NWD1: variants seen among roughly 807,000 people sequenced by gnomAD.
NWD1 encodes the protein NACHT and WD repeat domain containing 1.
Under a neutral mutation model 135.1 loss-of-function variants are expected in NWD1, and 129 were observed. The ratio of observed to expected loss-of-function variants is 0.96; its 90% CI spans 0.83 to 1.11. NWD1 has a LOEUF of 1.11. Among genes scored for constraint, NWD1 ranks in the 50% least tolerant of loss-of-function variants. The pLI is 0.00. For missense variants in NWD1, 1,740 were observed against 1,851.3 expected (o/e 0.94, Z 1.10); for synonymous variants, 773 against 786.0 (o/e 0.98, Z 0.28).
Position 16,749,584 on chromosome 19 carries a change from A to G in NWD1, c.942A>G (p.Gly314=), listed in dbSNP as rs368538247. 20 of 1,613,066 alleles carry G rather than the reference A, an allele frequency of 1.2e-5. No homozygotes were observed. The African/African-American group carries it at 2.1e-4, about 17-fold the overall frequency. Reference sequence around the variant, plus strand: ...CGGAGGTCATTCAGACCTTCTGCGGACGCCAGGAACTCCTGGCCCGGCTTG... The same window carrying G: ...CGGAGGTCATTCAGACCTTCTGCGGGCGCCAGGAACTCCTGGCCCGGCTTG... ...QSSEVIQTFC[G]RQELLARLGQ... Residue 314 remains glycine, a synonymous_variant, in exon 6 of 19, where the codon GGA becomes GGG. Coordinates refer to ENST00000524140, the MANE Select transcript of NWD1 (RefSeq NM_001007525.5).
In NWD1 at chr19:16,772,483, T is replaced by C. The variant is rs1969449972; in HGVS notation, c.2411-643T>C. On this transcript the variant is annotated intron_variant, in intron 10 of 18. Transcript: ENST00000524140. ...CAACATGGTGAAACCCCGTTTCCAC[T>C]AGACACACAAAAATTAGTTGGGCCT... 1.3e-5 allele frequency among the ~76,000 whole-genome samples: 2 copies of C among 152,058 alleles called. 1 individual carries two copies. Among genetic ancestry groups the C allele is most frequent in the South Asian group, 4.1e-4 (2 of 4,828 alleles).
intron 10 of NWD1, among the ~76,000 whole-genome samples, chr19:16,766,283 T>G (rs898921828): frequency 6.6e-6 from 1 of 152,126 alleles, no homozygotes; most frequent in Non-Finnish European, 1.5e-5. Flanking sequence ...ACACCTGTAG[T>G]CCCAGCTACT....
chr19:16,815,004 G>A, intron 18 of NWD1, 24 bp from the exon 19 acceptor site: 1 of 1,605,704 alleles, frequency 6.2e-7, no homozygotes, highest in African/African-American at 1.3e-5. Context: ...TTTCTCATTT[G>A]TGTCCTTCTC....
At chr19:16,800,886 G>A (rs935639408) in intron 17 of NWD1, among the ~76,000 whole-genome samples, 3 of 152,122 alleles carry the variant, frequency 2.0e-5, no homozygotes, top group Admixed American at 2.0e-4. Context: ...TATAATCACA[G>A]CACTCTGGGA....
In NWD1 at chr19:16,765,035, C is replaced by A; in HGVS notation, c.2253C>A (p.Gly751=). 6.2e-7 allele frequency: 1 copy of A among 1,614,002 alleles called. No homozygotes were observed. Among genetic ancestry groups the A allele is most frequent in the Non-Finnish European group, 8.5e-7 (1 of 1,179,926 alleles). Residue 751 remains glycine (G), a splice_region_variant and synonymous_variant, in exon 10 of 19, where the codon GGC becomes GGA. Coordinates refer to ENST00000524140, the MANE Select transcript of NWD1 (RefSeq NM_001007525.5). ...RLEELKQEVL[G]SMSWISCRGI... is the part of the protein sequence containing the mutation. ...ATCCTCCCCCCTTCTCTCCCTCAGG[C>A]AGCATGAGCTGGATTTCCTGCCGGG... is the stretch of plus-strand genomic sequence containing the variant.
chr19:16,797,603 G>A (rs567522712), intron 15 of NWD1, 129 bp from the exon 16 acceptor site: 16 of 808,804 alleles, frequency 2.0e-5, no homozygotes, highest in Middle Eastern at 3.8e-4. Flanking sequence ...CCGCCTTGGC[G>A]TCCCAAAGTG....
At chr19:16,750,834 C>G (rs2122815846) in intron 6 of NWD1, among the ~76,000 whole-genome samples, 1 of 152,208 alleles carries the variant, frequency 6.6e-6, no homozygotes, top group East Asian at 1.9e-4. Flanking sequence ...TCAACTATAC[C>G]TCAAAAGCTG....
intron 12 of NWD1, among the ~76,000 whole-genome samples, chr19:16,784,220 A>T (rs1303037239): frequency 6.6e-6 from 1 of 151,708 alleles, no homozygotes; most frequent in Non-Finnish European, 1.5e-5. Context: ...AAAAAAAAAA[A>T]AGAAAAATTA....
chr19:16,802,776 G>A (rs566238785), intron 17 of NWD1, among the ~76,000 whole-genome samples: 6 of 152,010 alleles, frequency 3.9e-5, no homozygotes, highest in African/African-American at 7.3e-5. Flanking sequence ...CAAGGCAGGC[G>A]CATCATTTGA....
intron 18 of NWD1, among the ~76,000 whole-genome samples, chr19:16,811,769 C>T (rs1224093256): frequency 1.3e-5 from 2 of 152,066 alleles, no homozygotes; most frequent in East Asian, 1.9e-4. Flanking sequence ...TTGGATCCAT[C>T]CCCCTGTGGG....
At chr19:16,770,213 C>T (rs948141694) in intron 10 of NWD1, among the ~76,000 whole-genome samples, 2 of 152,146 alleles carry the variant, frequency 1.3e-5, no homozygotes, top group Non-Finnish European at 2.9e-5. Flanking sequence ...GAGGGAGGGA[C>T]CAGGTGGAGA....
chr19:16,816,626 A>G lies in NWD1; in HGVS notation c.*1587A>G, dbSNP rs1971074824. On this transcript the variant is annotated 3_prime_UTR_variant, in exon 19 of 19. Transcript: ENST00000524140. ...TTAAGTGGATCTTTCTTCTTTGCCC[A>G]CAGCCTTCTAAAAGCCCTTCTCAGT... is the stretch of plus-strand genomic sequence containing the variant. 1 of 152,232 alleles carries G rather than the reference A, an allele frequency of 6.6e-6. No homozygotes were observed. 9.4% of individuals were successfully genotyped at this position (152,232 alleles called of 1,614,324 possible).
rs1968448137 is a variant in NWD1, at chr19:16,749,248, C to T, written c.606C>T (p.Asp202=). ...ACCTCCACAAACACATCCTTGAAGACTGCGCCCTTAGGATGGTGGACCGGC... is the reference window on the plus strand; with the variant it reads ...ACCTCCACAAACACATCCTTGAAGATTGCGCCCTTAGGATGGTGGACCGGC... ...IQDLHKHILE[D]CALRMVDRLA... The change falls in exon 6 of 19, where the codon GAC becomes GAT. Residue 202 remains aspartate, a synonymous_variant. Coordinates refer to ENST00000524140, the MANE Select transcript of NWD1 (RefSeq NM_001007525.5). The T allele has an allele frequency of 2.5e-6, 4 of 1,614,112 alleles. No individual in the cohort carries two copies. Among genetic ancestry groups the T allele is most frequent in the Non-Finnish European group, 3.4e-6 (4 of 1,179,978 alleles).
intron 6 of NWD1, among the ~76,000 whole-genome samples, chr19:16,750,761 G>A (rs775472332): frequency 3.3e-5 from 5 of 151,820 alleles, no homozygotes; most frequent in African/African-American, 7.3e-5. Flanking sequence ...TCAGCCTGCC[G>A]AGTAGGGTAG....
intron 18 of NWD1, among the ~76,000 whole-genome samples, chr19:16,814,581 A>G (rs778070241): frequency 2.0e-5 from 3 of 152,238 alleles, no homozygotes; most frequent in Non-Finnish European, 2.9e-5. Flanking sequence ...TCTGATACAT[A>G]GTAAACTATA....
At chr19:16,782,127 A>ATC (rs1291158351) in intron 12 of NWD1, among the ~76,000 whole-genome samples, 1 of 149,924 alleles carries the variant, frequency 6.7e-6, no homozygotes, top group Admixed American at 6.7e-5. Flanking sequence ...AAAGAATCTA[A>ATC]TCTAACCCTT....
chr19:16,815,652 T>A lies in NWD1; in HGVS notation c.*613T>A, dbSNP rs982573442. Reference sequence around the variant, plus strand: ...CCCAATTGGCCCATACGCCTAGCCCTAAACCAATTATTATATCTGGGAGAA... The same window carrying A: ...CCCAATTGGCCCATACGCCTAGCCCAAAACCAATTATTATATCTGGGAGAA... On this transcript the variant is annotated 3_prime_UTR_variant, in exon 19 of 19. Coordinates refer to ENST00000524140, the MANE Select transcript of NWD1 (RefSeq NM_001007525.5). The A allele has an allele frequency of 1.5e-5, 4 of 259,424 alleles. No individual in the cohort carries two copies. Among genetic ancestry groups the A allele is most frequent in the Non-Finnish European group, 2.2e-5 (3 of 135,440 alleles). The allele number at this position is 259,424 out of a possible 1,614,324, so 16.1% of individuals were successfully genotyped here.
At chr19:16,792,484 C>T (rs1047306202) in intron 14 of NWD1, among the ~76,000 whole-genome samples, 111 of 152,176 alleles carry the variant, frequency 7.3e-4, no homozygotes, top group African/African-American at 2.6e-3. Context: ...CGAGACCAGC[C>T]TGGCCAACAT....
chr19:16,778,652 G>A (rs1969747568), intron 11 of NWD1, among the ~76,000 whole-genome samples: 1 of 151,966 alleles, frequency 6.6e-6, no homozygotes, highest in Admixed American at 6.6e-5. Flanking sequence ...GGGATTACAG[G>A]TGTGCTTCAC....
Sources: allele counts gnomAD v4.1 joint callset (sites outside exome capture counted in the v4.1 genomes callset), GRCh38; gene constraint gnomAD v4.1.1; transcripts MANE v1.5; gene names NCBI Gene and HGNC (gene_info 2026-07-23, HGNC 2026-07-21).